CDC42BPA: variants seen among roughly 807,000 people sequenced by gnomAD.
CDC42BPA encodes the protein CDC42 binding protein kinase alpha.
CDC42BPA carries 80 observed loss-of-function variants against 223.5 expected under a neutral mutation model. The ratio of observed to expected loss-of-function variants is 0.36; its 90% CI spans 0.30 to 0.43. CDC42BPA has a LOEUF of 0.43. CDC42BPA is among the 20% of genes least tolerant of loss of function. The pLI, the probability that CDC42BPA is intolerant of heterozygous loss-of-function variation, is 1.00. For missense variants in CDC42BPA, 1,743 were observed against 2,099.9 expected (o/e 0.83, Z 3.32); for synonymous variants, 694 against 718.6 (o/e 0.97, Z 0.55).
chr1:227,234,305 G>C (rs143097217), intron 2 of CDC42BPA: 1 of 152,310 alleles, frequency 6.6e-6, no homozygotes, highest in African/African-American at 2.4e-5. Flanking sequence ...AACTTTCCTG[G>C]ATAGATCCAA....
At chr1:227,306,985 A>C (rs1229307558) in intron 1 of CDC42BPA, among the ~76,000 whole-genome samples, 6 of 152,216 alleles carry the variant, frequency 3.9e-5, no homozygotes, top group Non-Finnish European at 7.3e-5. Flanking sequence ...CTTTTACAAA[A>C]CTTTCATAAA....
intron 3 of CDC42BPA, among the ~76,000 whole-genome samples, chr1:227,204,738 G>T (rs1472069378): frequency 2.0e-5 from 3 of 152,040 alleles, no homozygotes; most frequent in Non-Finnish European, 2.9e-5. Context: ...TTTCTCTCCT[G>T]TTTTGAAATT....
At chr1:227,218,821 A>T (rs1413565092) in intron 2 of CDC42BPA, among the ~76,000 whole-genome samples, 1 of 152,232 alleles carries the variant, frequency 6.6e-6, no homozygotes, top group Non-Finnish European at 1.5e-5. Flanking sequence ...TTGTGTTCAA[A>T]ATATTTATTA....
chr1:227,089,722 T>G (rs1170863110), intron 16 of CDC42BPA, among the ~76,000 whole-genome samples: 1 of 151,410 alleles, frequency 6.6e-6, no homozygotes, highest in Non-Finnish European at 1.5e-5. Context: ...TATGTCCATT[T>G]CTCATGGATG....
At position 227,145,723 on chromosome 1, in the gene CDC42BPA, A is replaced by T. The variant is rs1660590043; in HGVS notation, c.909T>A (p.Phe303Leu). ...CAGACACATCAGTCACTTGGGCTGG[A>T]AACTGAAACCTCTCCTAAACAGAGA... Reference protein sequence around the residue: ...KIMNHKERFQFPAQVTDVSEN... With the variant: ...KIMNHKERFQLPAQVTDVSEN... The change falls in exon 8 of 37, where the codon TTT becomes TTA. Residue 303 changes from phenylalanine (F) to leucine (L), a missense_variant. Transcript: ENST00000366766. The T allele has an allele frequency of 1.2e-6, 2 of 1,613,424 alleles. No individual in the cohort carries two copies. The highest frequency in any genetic ancestry group is 4.5e-5 in the East Asian group (2 of 44,814).
chr1:227,054,681 A>G (rs1202013029), intron 21 of CDC42BPA, among the ~76,000 whole-genome samples: 1 of 152,166 alleles, frequency 6.6e-6, no homozygotes, highest in African/African-American at 2.4e-5. Flanking sequence ...CTCCTCTGTC[A>G]AGTCTTATTC....
chr1:227,138,409 T>C (rs1032024135), intron 10 of CDC42BPA, among the ~76,000 whole-genome samples: 31 of 148,668 alleles, frequency 2.1e-4, no homozygotes, highest in African/African-American at 7.7e-4. Context: ...TTGCTTCAAA[T>C]AGAGAATATT....
intron 2 of CDC42BPA, among the ~76,000 whole-genome samples, chr1:227,242,179 CA>C (rs2148123854): frequency 6.6e-6 from 1 of 152,074 alleles, no homozygotes; most frequent in East Asian, 1.9e-4. Context: ...AAAATCATAT[CA>C]AAACAGATAT....
At position 227,029,264 on chromosome 1, in the gene CDC42BPA, GAAT is replaced by G. The variant is rs746830277; in HGVS notation, c.3839-17_3839-15del. 54 of 1,469,662 alleles carry G rather than the reference GAAT, an allele frequency of 3.7e-5. No homozygotes were observed. Among genetic ancestry groups the G allele is most frequent in the East Asian group, 3.4e-4 (15 of 43,588 alleles). The allele number at this position is 1,469,662 out of a possible 1,614,324, so 91.0% of individuals were successfully genotyped here. A position where few individuals can be genotyped will look rare whatever the true frequency, so the allele number is the denominator to read the frequency against. On this transcript the variant is annotated splice_polypyrimidine_tract_variant and intron_variant, in intron 29 of 36. Coordinates refer to ENST00000366766, the MANE Select transcript of CDC42BPA (RefSeq NM_001394014.1). ...CTCTAATAATTTCTAAACACAGAAAGAATAATAAATCAAAATATAGTTTTATTG... is the reference window on the plus strand; with the variant it reads ...CTCTAATAATTTCTAAACACAGAAAGAATAAATCAAAATATAGTTTTATTG...
rs1301247897 is a variant in CDC42BPA, at chr1:227,299,411, A to G, written c.178+17594T>C. On this transcript the variant is annotated intron_variant, in intron 1 of 36. Transcript: ENST00000366766. The stretch of plus-strand genomic sequence containing the variant: ...CATTTCCAAATACTAGTTATATTAC[A>G]TCATCTCCTTTTACTTCTTTTTTTA... Among the ~76,000 whole-genome samples the G allele has an allele frequency of 2.6e-5, 4 of 152,158 alleles. No homozygotes were observed. In the East Asian group the frequency reaches 5.8e-4, roughly 22 times the overall value.
At chr1:227,315,592 A>G (rs1452828854) in intron 1 of CDC42BPA, among the ~76,000 whole-genome samples, 1 of 152,090 alleles carries the variant, frequency 6.6e-6, no homozygotes, top group Non-Finnish European at 1.5e-5. Flanking sequence ...AAAAAAAATT[A>G]ACACTACAGA....
chr1:227,088,430 C>T (rs1682401429), intron 16 of CDC42BPA, among the ~76,000 whole-genome samples: 1 of 152,000 alleles, frequency 6.6e-6, no homozygotes, highest in South Asian at 2.1e-4. Context: ...AGTGAAAAGG[C>T]AGATTAGTAA....
At chr1:227,024,277 C>CT (rs2148590032) in intron 31 of CDC42BPA, among the ~76,000 whole-genome samples, 1 of 152,280 alleles carries the variant, frequency 6.6e-6, no homozygotes, top group East Asian at 1.9e-4. Flanking sequence ...CAATGAAATA[C>CT]TACTTTGTAA....
chr1:227,268,878 G>A (rs1225482477), intron 1 of CDC42BPA, among the ~76,000 whole-genome samples: 1 of 151,446 alleles, frequency 6.6e-6, no homozygotes, highest in Non-Finnish European at 1.5e-5. Context: ...TAGAGACAGG[G>A]TTTGCCATGT....
chr1:227,231,099 T>C (rs1677842151), intron 2 of CDC42BPA, among the ~76,000 whole-genome samples: 1 of 151,698 alleles, frequency 6.6e-6, no homozygotes, highest in African/African-American at 2.4e-5. Flanking sequence ...ACTCGTCATT[T>C]ACATTAGGTA....
chr1:227,086,084 A>ATATGCAGTCTTTTG (rs2149194015), intron 16 of CDC42BPA, among the ~76,000 whole-genome samples: 1 of 152,092 alleles, frequency 6.6e-6, no homozygotes, highest in South Asian at 2.1e-4. Context: ...AAATAACAGA[A>ATATGCAGTCTTTTG]TATGCAGTCT....
At chr1:227,054,664 C>A (rs1241159626) in intron 21 of CDC42BPA, among the ~76,000 whole-genome samples, 1 of 152,260 alleles carries the variant, frequency 6.6e-6, no homozygotes, top group Admixed American at 6.5e-5. Flanking sequence ...TAACACACAC[C>A]TCTTGGCTCC....
intron 21 of CDC42BPA, among the ~76,000 whole-genome samples, chr1:227,067,959 G>C (rs1677458185): frequency 6.6e-6 from 1 of 152,088 alleles, no homozygotes; most frequent in Non-Finnish European, 1.5e-5. Context: ...ATGTGGAATA[G>C]AGAGAATGTT....
At chr1:227,273,533 C>T (rs1448907203) in intron 1 of CDC42BPA, among the ~76,000 whole-genome samples, 1 of 136,532 alleles carries the variant, frequency 7.3e-6, no homozygotes, top group Non-Finnish European at 1.6e-5. Context: ...GAAACTCTGT[C>T]TCAAAAAAAA....
Sources: allele counts gnomAD v4.1 joint callset (sites outside exome capture counted in the v4.1 genomes callset), GRCh38; gene constraint gnomAD v4.1.1; transcripts MANE v1.5; gene names NCBI Gene and HGNC (gene_info 2026-07-23, HGNC 2026-07-21).